NOL4: variants seen among roughly 807,000 people sequenced by gnomAD.
NOL4 encodes the protein nucleolar protein 4, also known as cancer/testis antigen 125.
NOL4 carries 17 observed loss-of-function variants against 75.9 expected under a neutral mutation model. The observed-to-expected ratio is 0.22, with a 90% CI of 0.15 to 0.34. The LOEUF (loss-of-function observed/expected upper bound fraction) is 0.34. NOL4 is among the 10% of genes least tolerant of loss of function. The pLI is 1.00. For missense variants in NOL4, 614 were observed against 793.5 expected (o/e 0.77, Z 2.72); for synonymous variants, 292 against 289.9 (o/e 1.01, Z -0.07).
intron 1 of NOL4, among the ~76,000 whole-genome samples, chr18:34,222,702 A>G (rs1219673956): frequency 1.3e-5 from 2 of 150,692 alleles, no homozygotes; most frequent in Non-Finnish European, 3.0e-5. Context: ...CCGCCGCCCG[A>G]CCCGGGGAAG....
At chr18:34,197,818 A>C (rs569227446) in intron 1 of NOL4, among the ~76,000 whole-genome samples, 1 of 151,954 alleles carries the variant, frequency 6.6e-6, no homozygotes, top group Non-Finnish European at 1.5e-5. Flanking sequence ...CAATAGATCT[A>C]TCAATTACCT....
intron 5 of NOL4, among the ~76,000 whole-genome samples, chr18:34,059,116 G>GATATATATAT (rs1600432980): frequency 1.2e-5 from 1 of 80,934 alleles, no homozygotes; most frequent in African/African-American, 4.3e-5. Flanking sequence ...GAGATAGATA[G>GATATATATAT]ATATACATAT....
intron 5 of NOL4, among the ~76,000 whole-genome samples, chr18:34,063,894 A>G (rs939349582): frequency 1.3e-5 from 2 of 152,024 alleles, no homozygotes; most frequent in African/African-American, 4.8e-5. Flanking sequence ...TTAAAAGAAC[A>G]CATCCTAGGA....
At chr18:34,023,448 G>A (rs1467002737) in intron 5 of NOL4, 7 of 456,046 alleles carry the variant, frequency 1.5e-5, no homozygotes, top group South Asian at 1.1e-4. Context: ...ACCCAACATA[G>A]TTTGGTCCAT....
At chr18:34,023,399 A>G (rs956552569) in intron 5 of NOL4, 1 of 456,096 alleles carries the variant, frequency 2.2e-6, no homozygotes, top group Non-Finnish European at 4.4e-6. Context: ...TAACCAATTC[A>G]TATCAGGTCA....
intron 1 of NOL4, among the ~76,000 whole-genome samples, chr18:34,183,250 C>T (rs553962508): frequency 1.8e-4 from 27 of 151,272 alleles, no homozygotes; most frequent in Middle Eastern, 6.8e-3. Flanking sequence ...TGAACAAACA[C>T]TTCACCAAAT....
chr18:34,080,683 C>T (rs1384202688), intron 5 of NOL4, among the ~76,000 whole-genome samples: 1 of 152,154 alleles, frequency 6.6e-6, no homozygotes, highest in Non-Finnish European at 1.5e-5. Flanking sequence ...ACTGCCCAGG[C>T]TGGCCACAAA....
chr18:34,142,373 T>C (rs184620558), intron 1 of NOL4, among the ~76,000 whole-genome samples: 13 of 152,228 alleles, frequency 8.5e-5, no homozygotes, highest in African/African-American at 2.4e-4. Context: ...TATAAAGACA[T>C]ATGCACATGT....
At chr18:34,206,786 A>AT (rs1254404984) in intron 1 of NOL4, among the ~76,000 whole-genome samples, 2 of 151,730 alleles carry the variant, frequency 1.3e-5, no homozygotes, top group Non-Finnish European at 2.9e-5. Flanking sequence ...TTCAGCCATT[A>AT]TTTTTCTATT....
chr18:34,068,649 G>A (rs1448740120), intron 5 of NOL4, among the ~76,000 whole-genome samples: 2 of 151,960 alleles, frequency 1.3e-5, no homozygotes, highest in African/African-American at 2.4e-5. Flanking sequence ...CACCCACCTC[G>A]GCCTCCCAAA....
At chr18:33,861,214 A>G (rs1487500639) in intron 10 of NOL4, among the ~76,000 whole-genome samples, 1 of 152,198 alleles carries the variant, frequency 6.6e-6, no homozygotes, top group Non-Finnish European at 1.5e-5. Flanking sequence ...GAATGGTACC[A>G]GTTCCTCCTT....
At chr18:33,951,986 C>G (rs749390959) in intron 8 of NOL4, among the ~76,000 whole-genome samples, 7 of 152,300 alleles carry the variant, frequency 4.6e-5, no homozygotes, top group Admixed American at 3.3e-4. Flanking sequence ...CTTTTTCTAT[C>G]TTTCTAAGTT....
chr18:34,154,011 A>T (rs1056449638), intron 1 of NOL4, among the ~76,000 whole-genome samples: 3 of 152,004 alleles, frequency 2.0e-5, no homozygotes, highest in Non-Finnish European at 4.4e-5. Flanking sequence ...TAGTCAGAAG[A>T]TTGGCCAAAA....
chr18:33,912,667 A>C (rs1023760501), intron 9 of NOL4, among the ~76,000 whole-genome samples: 3 of 152,084 alleles, frequency 2.0e-5, no homozygotes, highest in Non-Finnish European at 4.4e-5. Context: ...TGTGTGGATT[A>C]AGGTAATATG....
At chr18:33,886,678 T>C (rs1247633965) in intron 9 of NOL4, among the ~76,000 whole-genome samples, 2 of 149,508 alleles carry the variant, frequency 1.3e-5, no homozygotes, top group Non-Finnish European at 3.0e-5. Flanking sequence ...GGATAAATGC[T>C]TGAGGTGATG....
At chr18:33,947,946 T>C (rs1198422426) in intron 8 of NOL4, among the ~76,000 whole-genome samples, 1 of 151,930 alleles carries the variant, frequency 6.6e-6, no homozygotes, top group Admixed American at 6.6e-5. Flanking sequence ...TTCTTATATA[T>C]GTTGATAAAA....
intron 2 of NOL4, among the ~76,000 whole-genome samples, chr18:34,122,530 C>T (rs1283309531): frequency 6.6e-6 from 1 of 152,076 alleles, no homozygotes; most frequent in Non-Finnish European, 1.5e-5. Context: ...ATTATAATAT[C>T]TATAGTGTTT....
At chr18:33,965,024 T>C (rs2070463870) in intron 6 of NOL4, among the ~76,000 whole-genome samples, 1 of 152,166 alleles carries the variant, frequency 6.6e-6, no homozygotes, top group Non-Finnish European at 1.5e-5. Context: ...AAAAATATTC[T>C]ATTATAGATG....
rs568656359 is a variant in NOL4 at position 33,958,294 on chromosome 18, G to A, written c.1181C>T (p.Ser394Leu). 4.4e-5 allele frequency: 71 copies of A among 1,613,692 alleles called. No homozygotes were observed. In the South Asian group the frequency reaches 6.1e-4, roughly 14 times the overall value. ...GCCGTCTGTCTCATTAACTTTCTCC[G>A]AATCGTCATGGTCCTCGTGGTCATC... Reference protein sequence around the residue: ...DEDDHEDHDDSEKVNETDGVE... With the variant: ...DEDDHEDHDDLEKVNETDGVE... The change falls in exon 7 of 11, where the codon TCG (serine) becomes TTG (leucine). Residue 394 changes from serine (S) to leucine (L), a missense_variant. Ser to Leu is a moderately radical substitution (Grantham distance 145). This residue lies in a region of NOL4 where 196 missense variants were observed against 167.9 expected (regional missense o/e 1.17). Transcript: ENST00000261592.
Sources: allele counts gnomAD v4.1 joint callset (sites outside exome capture counted in the v4.1 genomes callset), GRCh38; gene constraint gnomAD v4.1.1; regional missense constraint gnomAD v4.1.1; transcripts MANE v1.5; gene names NCBI Gene and HGNC (gene_info 2026-07-23, HGNC 2026-07-21).